The following SETD2 variants were observed in gnomAD, a reference collection of about 807,000 sequenced individuals.
SETD2 encodes SET domain containing 2, histone lysine methyltransferase, also known as histone-lysine N-methyltransferase SETD2.
In SETD2, 31 loss-of-function variants were observed where a neutral mutation model predicts 242.1. The ratio of observed to expected loss-of-function variants is 0.13; its 90% CI spans 0.10 to 0.17. SETD2 has a LOEUF of 0.17. SETD2 is among the 10% of genes least tolerant of loss of function. SETD2 has a pLI of 1.00. For missense variants in SETD2, 2,481 were observed against 3,046.3 expected (o/e 0.81, Z 4.37); for synonymous variants, 1,006 against 1,066.5 (o/e 0.94, Z 1.11).
intron 9 of SETD2, among the ~76,000 whole-genome samples, chr3:47,095,048 A>G (rs189138836): frequency 7.2e-5 from 11 of 152,326 alleles, no homozygotes; most frequent in South Asian, 2.1e-4. Context: ...CTTAATCCAT[A>G]GTAAGGTCAC....
At chr3:47,144,006 G>A (rs890188206) in intron 1 of SETD2, among the ~76,000 whole-genome samples, 2 of 151,844 alleles carry the variant, frequency 1.3e-5, no homozygotes, top group Non-Finnish European at 2.9e-5. Flanking sequence ...CACTGCGCCC[G>A]GCCACATTAC....
Position 47,062,371 on chromosome 3 carries a change from GTTT to G in SETD2, c.6110-28_6110-26del, listed in dbSNP as rs10589946. 9,620 of 1,344,060 alleles carry G rather than the reference GTTT, an allele frequency of 7.2e-3. 6 individuals carry two copies. The highest frequency in any genetic ancestry group is 0.01 in the African/African-American group (660 of 65,264). The allele number at this position is 1,344,060 out of a possible 1,614,324, so 83.3% of individuals were successfully genotyped here. On this transcript the variant is annotated intron_variant, in intron 13 of 20. Coordinates refer to ENST00000409792, the MANE Select transcript of SETD2 (RefSeq NM_014159.7). The stretch of plus-strand genomic sequence containing the variant: ...GCTAAGGGAAAAGGGTGGTTTGTTT[GTTT>G]TTTTTTTTTTTAAGTTTATTTGGTG...
chr3:47,041,636 TACAC>T (rs562296562), intron 17 of SETD2, among the ~76,000 whole-genome samples: 2 of 151,020 alleles, frequency 1.3e-5, no homozygotes, highest in African/African-American at 2.4e-5. Flanking sequence ...GGTGTATATA[TACAC>T]ACACACACAC....
In SETD2 at chr3:47,084,031, C is replaced by T. The variant is rs372085873; in HGVS notation, c.5749G>A (p.Val1917Ile). Reference sequence around the variant, plus strand: ...GACTGCAATTCTTCCTCTTCCTCTACAGGGACATTTTCTAATTGATCAAGA... The same window carrying T: ...GACTGCAATTCTTCCTCTTCCTCTATAGGGACATTTTCTAATTGATCAAGA... Reference protein sequence around the residue: ...EDLDQLENVPVEEEEELQSQQ... With the variant: ...EDLDQLENVPIEEEEELQSQQ... The change falls in exon 12 of 21, where the codon GTA becomes ATA. Residue 1917 changes from valine (V) to isoleucine (I), a missense_variant. Physicochemically the swap from Val to Ile is conservative, Grantham distance 29 (BLOSUM62 3). Transcript: ENST00000409792. 1.2e-6 allele frequency: 2 copies of T among 1,614,176 alleles called. No individual in the cohort carries two copies.
intron 9 of SETD2, among the ~76,000 whole-genome samples, chr3:47,089,499 G>A (rs1219750446): frequency 6.6e-6 from 1 of 152,154 alleles, no homozygotes; most frequent in East Asian, 1.9e-4. Flanking sequence ...TAACCTCTAG[G>A]TAGGGAGAAG....
intron 1 of SETD2, among the ~76,000 whole-genome samples, chr3:47,151,191 C>T (rs140180197): frequency 3.9e-5 from 6 of 152,120 alleles, no homozygotes; most frequent in Non-Finnish European, 7.4e-5. Context: ...CCCTTAGGTC[C>T]TAGCAACAAA....
intron 18 of SETD2, 101 bp from the exon 19 acceptor site, chr3:47,019,941 C>T: frequency 2.0e-6 from 2 of 982,596 alleles, no homozygotes; most frequent in Middle Eastern, 2.1e-4. Flanking sequence ...AGCAGGGATA[C>T]CTGATTCTTG....
At chr3:47,129,964 G>C (rs1478659414) in intron 1 of SETD2, among the ~76,000 whole-genome samples, 1 of 152,138 alleles carries the variant, frequency 6.6e-6, no homozygotes, top group African/African-American at 2.4e-5. Flanking sequence ...AAGAGACAGG[G>C]TAAAAGACAA....
At position 47,120,594 on chromosome 3, in the gene SETD2, G is replaced by A. The variant is rs758594682; in HGVS notation, c.4042C>T (p.His1348Tyr). 1.9e-6 allele frequency: 3 copies of A among 1,613,906 alleles called. No homozygotes were observed. Among genetic ancestry groups the A allele is most frequent in the East Asian group, 4.5e-5 (2 of 44,906 alleles). ...EENWDQQDGS[H>Y]FSDQSDKFLL... ...AATTTATCGGACTGGTCTGAAAAATGGGATCCATCCTGTTGATCCCAATTC... is the reference window on the plus strand; with the variant it reads ...AATTTATCGGACTGGTCTGAAAAATAGGATCCATCCTGTTGATCCCAATTC... The change falls in exon 3 of 21, where the codon CAT (histidine) becomes TAT (tyrosine). Residue 1348 changes from histidine to tyrosine, a missense_variant. Physicochemically the swap from His to Tyr is moderately conservative, Grantham distance 83 (BLOSUM62 2). Transcript: ENST00000409792.
chr3:47,154,887 C>T (rs938087270), intron 1 of SETD2, among the ~76,000 whole-genome samples: 4 of 150,952 alleles, frequency 2.6e-5, no homozygotes, highest in East Asian at 2.0e-4. Context: ...CCAGCTACTC[C>T]GGAGGCTGAG....
chr3:47,147,176 A>AT (rs917999278), intron 1 of SETD2, among the ~76,000 whole-genome samples: 6 of 150,850 alleles, frequency 4.0e-5, no homozygotes, highest in African/African-American at 1.2e-4. Flanking sequence ...ACACCCGCTA[A>AT]TTTTTTTTGT....
chr3:47,158,372 A>G (rs2044173079), intron 1 of SETD2, among the ~76,000 whole-genome samples: 1 of 152,130 alleles, frequency 6.6e-6, no homozygotes, highest in Non-Finnish European at 1.5e-5. Flanking sequence ...TTTTTTCAAT[A>G]AAAGTTACAC....
rs574853275 is a variant in SETD2 at position 47,154,618 on chromosome 3, G to A, written c.71+9236C>T. Among the ~76,000 whole-genome samples the A allele has an allele frequency of 6.6e-5, 10 of 152,228 alleles. No individual in the cohort carries two copies. The South Asian group carries it at 2.1e-3, about 32-fold the overall frequency. ...GTGGAGCAGAGAAGAGATACTCAGG[G>A]AGGATTTTTACTTTTTCTTCTATAA... On this transcript the variant is annotated intron_variant, in intron 1 of 20. Coordinates refer to ENST00000409792, the MANE Select transcript of SETD2 (RefSeq NM_014159.7).
chr3:47,056,787 T>C (rs1016593128), intron 15 of SETD2, 34 bp downstream of exon 15: 1 of 1,570,704 alleles, frequency 6.4e-7, no homozygotes, highest in Non-Finnish European at 8.7e-7. Context: ...GAACAGACCA[T>C]AAAGCAGAAA....
intron 1 of SETD2, among the ~76,000 whole-genome samples, chr3:47,150,349 G>A (rs749626632): frequency 1.2e-4 from 18 of 151,934 alleles, no homozygotes; most frequent in African/African-American, 4.1e-4. Context: ...CAAAAATATC[G>A]TTTGATTTAC....
intron 16 of SETD2, among the ~76,000 whole-genome samples, chr3:47,043,482 T>C (rs1010051605): frequency 5.3e-4 from 81 of 152,334 alleles, no homozygotes; most frequent in African/African-American, 1.6e-3. Flanking sequence ...CCTCAAGAAC[T>C]GTGAGAAAAT....
At chr3:47,039,024 G>A (rs2039152346) in intron 17 of SETD2, among the ~76,000 whole-genome samples, 1 of 151,962 alleles carries the variant, frequency 6.6e-6, no homozygotes, top group Admixed American at 6.6e-5. Context: ...GTAAAAATAG[G>A]CTTACCTCTG....
intron 12 of SETD2, among the ~76,000 whole-genome samples, chr3:47,081,277 T>G (rs1219979380): frequency 6.6e-6 from 1 of 152,034 alleles, no homozygotes; most frequent in East Asian, 1.9e-4. Flanking sequence ...CCATCCAGTG[T>G]GTAGAAAAGC....
chr3:47,091,371 T>A (rs1559710021), intron 9 of SETD2, among the ~76,000 whole-genome samples: 1 of 152,184 alleles, frequency 6.6e-6, no homozygotes, highest in African/African-American at 2.4e-5. Context: ...CTCACACCTG[T>A]AATCCCAGCA....
Sources: gnomAD v4.1 joint callset for allele counts (sites outside exome capture counted in the v4.1 genomes callset) on GRCh38, gnomAD v4.1.1 for gene constraint, MANE v1.5 for transcripts, NCBI Gene and HGNC (gene_info 2026-07-23, HGNC 2026-07-21) for gene names.